KCNMB2: variants seen among roughly 807,000 people sequenced by gnomAD.
KCNMB2 encodes calcium-activated potassium channel subunit beta-2.
A neutral mutation model predicts 24.5 loss-of-function variants in KCNMB2; 9 were observed. That is an observed-to-expected ratio of 0.37 (90% confidence interval 0.22 to 0.64). The LOEUF (loss-of-function observed/expected upper bound fraction) is 0.64. Ranked by LOEUF, KCNMB2 falls within the 30% of genes least tolerant of loss-of-function variation. The pLI is 0.63. For synonymous variants in KCNMB2, 109 were observed against 104.4 expected, an observed-to-expected ratio of 1.04 and a Z score of -0.27; for missense variants, 226 against 284.3, an observed-to-expected ratio of 0.79 and a Z score of 1.47.
intron 1 of KCNMB2, among the ~76,000 whole-genome samples, chr3:178,806,720 C>T (rs993799639): frequency 6.7e-6 from 1 of 148,190 alleles, no homozygotes; most frequent in African/African-American, 2.5e-5. Flanking sequence ...AATAATAACC[C>T]ACAACATTCT....
chr3:178,734,383 T>C (rs1057193770), intron 1 of KCNMB2, among the ~76,000 whole-genome samples: 2 of 152,198 alleles, frequency 1.3e-5, no homozygotes, highest in African/African-American at 2.4e-5. Flanking sequence ...TTGTTTATTT[T>C]TGTGCTTCCT....
chr3:178,764,034 G>T lies in KCNMB2; in HGVS notation c.-67-43309G>T, dbSNP rs142088391. On this transcript the variant is annotated intron_variant, in intron 1 of 4. Transcript: ENST00000452583. ...GAAACAAGGCTCAAGATAACTAAAT[G>T]TTCAAGGTTAGATGATAAATGAAGG... Among the ~76,000 whole-genome samples, 333 of 152,232 alleles carry T rather than the reference G, an allele frequency of 2.2e-3. 3 individuals carry two copies. The highest frequency in any genetic ancestry group is 7.5e-3 in the African/African-American group (310 of 41,554).
chr3:178,744,791 A>G (rs1244604909), intron 1 of KCNMB2, among the ~76,000 whole-genome samples: 4 of 151,876 alleles, frequency 2.6e-5, no homozygotes, highest in Non-Finnish European at 4.4e-5. Flanking sequence ...AAATCCCCAC[A>G]GCCTGATTTT....
chr3:178,759,361 A>C lies in KCNMB2; in HGVS notation c.-67-47982A>C, dbSNP rs181206716. ...TCCAAGAGGATATATATATATATAT[A>C]TCTCCAAGAGGATATATATATATAT... On this transcript the variant is annotated intron_variant, in intron 1 of 4. Coordinates refer to ENST00000452583, the MANE Select transcript of KCNMB2 (RefSeq NM_181361.3). Among the ~76,000 whole-genome samples the C allele has an allele frequency of 9.9e-3, 300 of 30,432 alleles. 36 individuals carry two copies. Among genetic ancestry groups the C allele is most frequent in the Non-Finnish European group, 0.012 (200 of 17,274 alleles). The allele number at this position is 30,432 out of a possible 152,430, so 20.0% of individuals were successfully genotyped here.
At chr3:178,542,688 T>A (rs181809099) in intron 1 of KCNMB2, among the ~76,000 whole-genome samples, 229 of 152,338 alleles carry the variant, frequency 1.5e-3, no homozygotes, top group African/African-American at 5.2e-3. Flanking sequence ...TTCTTTCATA[T>A]TTGAACAATA....
intron 1 of KCNMB2, among the ~76,000 whole-genome samples, chr3:178,788,677 C>A (rs1175707374): frequency 6.6e-6 from 1 of 152,114 alleles, no homozygotes; most frequent in East Asian, 1.9e-4. Context: ...GGGATTGCAA[C>A]CTGAATCTAA....
intron 1 of KCNMB2, among the ~76,000 whole-genome samples, chr3:178,778,502 A>ACACC (rs1361644496): frequency 2.8e-5 from 4 of 140,804 alleles, no homozygotes; most frequent in Non-Finnish European, 6.1e-5. Flanking sequence ...ACACACACAC[A>ACACC]CCTGTTCCAG....
At chr3:178,755,108 C>A (rs1723985989) in intron 1 of KCNMB2, among the ~76,000 whole-genome samples, 1 of 152,224 alleles carries the variant, frequency 6.6e-6, no homozygotes, top group Non-Finnish European at 1.5e-5. Flanking sequence ...GCATGACCAA[C>A]AGCTATGAGA....
chr3:178,582,190 G>T (rs1002024973), intron 1 of KCNMB2, among the ~76,000 whole-genome samples: 1 of 152,128 alleles, frequency 6.6e-6, no homozygotes, highest in African/African-American at 2.4e-5. Flanking sequence ...CATAAAAAAA[G>T]GATGAGTTCA....
intron 1 of KCNMB2, among the ~76,000 whole-genome samples, chr3:178,559,763 A>G (rs544875908): frequency 1.3e-5 from 2 of 150,420 alleles, no homozygotes; most frequent in East Asian, 1.9e-4. Context: ...TATTCCTGGT[A>G]TATGTTGTCC....
chr3:178,590,989 A>G (rs1265768547), intron 1 of KCNMB2, among the ~76,000 whole-genome samples: 1 of 152,186 alleles, frequency 6.6e-6, no homozygotes, highest in East Asian at 1.9e-4. Context: ...TGCATGATCC[A>G]TGATCCACTA....
intron 1 of KCNMB2, among the ~76,000 whole-genome samples, chr3:178,785,479 T>A (rs1713064706): frequency 6.6e-6 from 1 of 151,890 alleles, no homozygotes; most frequent in African/African-American, 2.4e-5. Flanking sequence ...AAATATAACA[T>A]GACAAATAAT....
chr3:178,726,938 A>T (rs73049711), intron 1 of KCNMB2, among the ~76,000 whole-genome samples: 4,327 of 151,940 alleles, frequency 0.028, 212 homozygotes, highest in African/African-American at 0.098. Context: ...TGATTTTTCC[A>T]TTCTGTTGCG....
chr3:178,609,197 CATG>C (rs1352989869), intron 1 of KCNMB2, among the ~76,000 whole-genome samples: 3 of 152,150 alleles, frequency 2.0e-5, no homozygotes, highest in Non-Finnish European at 2.9e-5. Flanking sequence ...ACTGTGGTGA[CATG>C]ATATGTCATT....
chr3:178,697,669 A>G (rs1168827596), intron 1 of KCNMB2, among the ~76,000 whole-genome samples: 1 of 152,054 alleles, frequency 6.6e-6, no homozygotes, highest in Non-Finnish European at 1.5e-5. Flanking sequence ...TATTTTGCAG[A>G]CTTGTTTATG....
At chr3:178,560,935 G>A (rs16829750) in intron 1 of KCNMB2, among the ~76,000 whole-genome samples, 53,437 of 151,970 alleles carry the variant, frequency 0.35, 10,622 homozygotes, top group East Asian at 0.6. Flanking sequence ...CTCCTTAGGC[G>A]CAGCACTGTT....
At chr3:178,552,163 T>G (rs1216240867) in intron 1 of KCNMB2, among the ~76,000 whole-genome samples, 1 of 152,154 alleles carries the variant, frequency 6.6e-6, no homozygotes, top group Admixed American at 6.5e-5. Flanking sequence ...CTGGTCCCCA[T>G]CCAGACGCTG....
Position 178,584,195 on chromosome 3 carries a change from C to A in KCNMB2, c.-68+47484C>A, listed in dbSNP as rs151053473. Among the ~76,000 whole-genome samples, 231 of 152,332 alleles carry A rather than the reference C, an allele frequency of 1.5e-3. 2 individuals carry two copies. Among genetic ancestry groups the A allele is most frequent in the African/African-American group, 5.4e-3 (225 of 41,580 alleles). On this transcript the variant is annotated intron_variant, in intron 1 of 4. Coordinates refer to ENST00000452583, the MANE Select transcript of KCNMB2 (RefSeq NM_181361.3). ...TCTGGGTATGGCTTTTATATCCCAG[C>A]CAACACACAAGTTTAGTGCCTCCAA...
At chr3:178,819,429 A>G (rs950865089) in intron 2 of KCNMB2, among the ~76,000 whole-genome samples, 2 of 151,710 alleles carry the variant, frequency 1.3e-5, no homozygotes, top group Non-Finnish European at 2.9e-5. Context: ...TTGTCTCTCA[A>G]TCTCTCCGCC....
Sources: gnomAD v4.1 joint callset for allele counts (sites outside exome capture counted in the v4.1 genomes callset) on GRCh38, gnomAD v4.1.1 for gene constraint, MANE v1.5 for transcripts, NCBI Gene and HGNC (gene_info 2026-07-23, HGNC 2026-07-21) for gene names.